Variants in BIRC6 observed in about 807,000 individuals in gnomAD.
BIRC6 encodes baculoviral IAP repeat containing 6, also known as dual E2 ubiquitin-conjugating enzyme/E3 ubiquitin-protein ligase BIRC6.
Under a neutral mutation model 503.3 loss-of-function variants are expected in BIRC6, and 98 were observed. That is an observed-to-expected ratio of 0.19 (90% confidence interval 0.17 to 0.23). The LOEUF (loss-of-function observed/expected upper bound fraction) is 0.23, where lower values mean the gene tolerates loss of function less well. Ranked by LOEUF, BIRC6 falls within the 10% of genes least tolerant of loss-of-function variation. The pLI, the probability that BIRC6 is intolerant of heterozygous loss-of-function variation, is 1.00. For synonymous variants in BIRC6, 2,240 were observed against 2,078.7 expected (o/e 1.08, Z -2.11); for missense variants, 5,360 against 5,806.0 (o/e 0.92, Z 2.50).
Position 32,509,831 on chromosome 2 carries a change from G to A in BIRC6, c.10074G>A (p.Leu3358=), listed in dbSNP as rs201254284. The change falls in exon 52 of 74, where the codon CTG becomes CTA. Residue 3358 remains leucine (L), a synonymous_variant. Transcript: ENST00000421745. Reference sequence around the variant, plus strand: ...GTGCAGCTGCACCTACTGCTAATCTGCTGCAGACTTGTGCGGCCTTATTGA... The same window carrying A: ...GTGCAGCTGCACCTACTGCTAATCTACTGCAGACTTGTGCGGCCTTATTGA... ...MASAAAPTAN[L]LQTCAALLMS... is the part of the protein sequence containing the mutation. The A allele has an allele frequency of 1.2e-6, 2 of 1,613,984 alleles. No homozygotes were observed. The highest frequency in any genetic ancestry group is 1.3e-5 in the African/African-American group (1 of 75,034).
chr2:32,507,086 T>G (rs1486121743), intron 50 of BIRC6, among the ~76,000 whole-genome samples: 4 of 152,136 alleles, frequency 2.6e-5, no homozygotes, highest in Non-Finnish European at 5.9e-5. Flanking sequence ...ACTCCTTAAA[T>G]TTCAGCAAGA....
intron 50 of BIRC6, 104 bp downstream of exon 50, chr2:32,505,309 C>G: frequency 1.1e-6 from 1 of 918,088 alleles, no homozygotes; most frequent in Non-Finnish European, 1.6e-6. Flanking sequence ...GGTGTGATTA[C>G]CAGAGAGTGT....
At position 32,529,827 on chromosome 2, in the gene BIRC6, A is replaced by T; in HGVS notation, c.12094+3A>T. ...TAAAAGACTACACCCTGAAAAAGGT[A>T]TGTGCATAATACTACTTTAAAAATT... On this transcript the variant is annotated splice_donor_region_variant and intron_variant, in intron 60 of 73. Transcript: ENST00000421745. The T allele has an allele frequency of 6.3e-7, 1 of 1,586,350 alleles. No homozygotes were observed. Among genetic ancestry groups the T allele is most frequent in the Non-Finnish European group, 8.6e-7 (1 of 1,165,304 alleles).
intron 66 of BIRC6, among the ~76,000 whole-genome samples, chr2:32,583,970 G>A (rs141415021): frequency 6.6e-6 from 1 of 152,148 alleles, no homozygotes; most frequent in African/African-American, 2.4e-5. Flanking sequence ...GACCTCAGGC[G>A]ATCTGCCCAT....
chr2:32,616,435 C>A (rs984825964), intron 73 of BIRC6, among the ~76,000 whole-genome samples: 1 of 151,826 alleles, frequency 6.6e-6, no homozygotes, highest in Non-Finnish European at 1.5e-5. Context: ...TGGTGCATGC[C>A]TGTAATAGCA....
chr2:32,471,790 T>G (rs947138423), intron 32 of BIRC6, among the ~76,000 whole-genome samples: 3 of 152,176 alleles, frequency 2.0e-5, no homozygotes, highest in African/African-American at 7.2e-5. Flanking sequence ...TAAGCCTACA[T>G]ATGCTTACAT....
In BIRC6 at chr2:32,468,434, T is replaced by C. The variant is rs1419382379; in HGVS notation, c.5781-3T>C. ...TATTTTGTTCAATCTTTTTTTACTT[T>C]AGGTATAACTTGGCTTGTCATCGTC... On this transcript the variant is annotated splice_polypyrimidine_tract_variant and splice_region_variant and intron_variant, in intron 28 of 73. Coordinates refer to ENST00000421745, the MANE Select transcript of BIRC6 (RefSeq NM_016252.4). The C allele has an allele frequency of 5.2e-6, 8 of 1,552,616 alleles. No homozygotes were observed. In the Admixed American group the frequency reaches 6.2e-5, roughly 12 times the overall value.
chr2:32,553,596 G>T (rs2058586033), intron 65 of BIRC6, among the ~76,000 whole-genome samples: 1 of 151,714 alleles, frequency 6.6e-6, no homozygotes, highest in South Asian at 2.1e-4. Flanking sequence ...CACCACGTTG[G>T]CCAGGCCGGT....
intron 66 of BIRC6, among the ~76,000 whole-genome samples, chr2:32,575,760 G>T (rs1426920797): frequency 1.3e-5 from 2 of 149,854 alleles, no homozygotes; most frequent in Non-Finnish European, 3.0e-5. Flanking sequence ...GCGAGACTCC[G>T]TCTCAAAAAA....
chr2:32,481,713 C>T (rs1389104179), intron 38 of BIRC6, among the ~76,000 whole-genome samples: 1 of 151,714 alleles, frequency 6.6e-6, no homozygotes, highest in African/African-American at 2.4e-5. Context: ...TTGGAGTGAG[C>T]CAAGATCATG....
At position 32,433,257 on chromosome 2, in the gene BIRC6, G is replaced by A. The variant is rs867361473; in HGVS notation, c.3249-387G>A. ...ATTTTCATTTTCCAGCATATATATA[G>A]CATTTAAAACCCAAGAATGAATATA... On this transcript the variant is annotated intron_variant, in intron 12 of 73. Coordinates refer to ENST00000421745, the MANE Select transcript of BIRC6 (RefSeq NM_016252.4). Among the ~76,000 whole-genome samples the A allele has an allele frequency of 7.8e-4, 119 of 152,022 alleles. 1 individual carries two copies. Among genetic ancestry groups the A allele is most frequent in the African/African-American group, 2.8e-3 (116 of 41,380 alleles).
At chr2:32,595,341 A>G (rs577372165) in intron 68 of BIRC6, among the ~76,000 whole-genome samples, 197 bp downstream of exon 68, 13 of 152,356 alleles carry the variant, frequency 8.5e-5, no homozygotes, top group Admixed American at 3.9e-4. Flanking sequence ...TGTGACTTCA[A>G]TAGAAGGACT....
At chr2:32,448,711 A>G in intron 21 of BIRC6, 84 bp from the exon 22 acceptor site, 1 of 1,311,546 alleles carries the variant, frequency 7.6e-7, no homozygotes, top group Admixed American at 1.9e-5. Flanking sequence ...GCTGTTAGTC[A>G]GACTGCTTTT....
chr2:32,493,691 T>C, intron 45 of BIRC6, 24 bp downstream of exon 45: 1 of 1,550,172 alleles, frequency 6.5e-7, no homozygotes. Context: ...TACTAATTTG[T>C]TCCTGATATA....
At chr2:32,546,969 C>G (rs2058096122) in intron 63 of BIRC6, among the ~76,000 whole-genome samples, 1 of 152,152 alleles carries the variant, frequency 6.6e-6, no homozygotes, top group Non-Finnish European at 1.5e-5. Flanking sequence ...TTCCTAGCTA[C>G]TTGGGAGGCT....
At position 32,482,490 on chromosome 2, in the gene BIRC6, C is replaced by A; in HGVS notation, c.7604C>A (p.Pro2535His). ...GATTATGGGACCTACAATTACAACC[C>A]TTACATTGGAGGTCTGGGAATTCCT... ...GADYGTYNYN[P>H]YIGGLGIPVA... The change falls in exon 39 of 74, where the codon CCT becomes CAT. Residue 2535 changes from proline to histidine, a missense_variant. By Grantham distance (77) the Pro-to-His change is moderately conservative. This residue lies in a region of BIRC6 where 2,299 missense variants were observed against 2,267.2 expected (regional missense o/e 1.01). Coordinates refer to ENST00000421745, the MANE Select transcript of BIRC6 (RefSeq NM_016252.4). 2 of 1,613,786 alleles carry A rather than the reference C, an allele frequency of 1.2e-6. No homozygotes were observed. The highest frequency in any genetic ancestry group is 1.7e-6 in the Non-Finnish European group (2 of 1,179,764).
At position 32,582,757 on chromosome 2, in the gene BIRC6, AAAAC is replaced by A. The variant is rs538719310; in HGVS notation, c.13355+7411_13355+7414del. Among the ~76,000 whole-genome samples the A allele has an allele frequency of 6.4e-3, 975 of 152,230 alleles. 7 individuals are homozygous for A. Among genetic ancestry groups the A allele is most frequent in the African/African-American group, 0.019 (802 of 41,528 alleles). ...TGGGATAGAGCAAGACTCTGTCTCA[AAAAC>A]AAACAAACAAACAAACAAAAAAACT... On this transcript the variant is annotated intron_variant, in intron 66 of 73. Coordinates refer to ENST00000421745, the MANE Select transcript of BIRC6 (RefSeq NM_016252.4).
rs2037432474 is a variant in BIRC6 at position 32,380,286 on chromosome 2, C to T, written c.641C>T (p.Ala214Val). Residue 214 changes from alanine to valine, a missense_variant, in exon 3 of 74, where the codon GCT becomes GTT. Ala to Val is a moderately conservative substitution (Grantham distance 64, BLOSUM62 0). Coordinates refer to ENST00000421745, the MANE Select transcript of BIRC6 (RefSeq NM_016252.4). ...SHETAANHKV[A>V]KWATVTFHLP... ...GAGACTGCAGCAAACCACAAAGTTG[C>T]TAAGGTAAGAAGTTAATAGATTGCC... 6.3e-7 allele frequency: 1 copy of T among 1,597,242 alleles called. No homozygotes were observed. The highest frequency in any genetic ancestry group is 8.5e-7 in the Non-Finnish European group (1 of 1,175,590).
intron 66 of BIRC6, chr2:32,591,041 G>C (rs1445494548): frequency 1.1e-6 from 1 of 904,296 alleles, no homozygotes; most frequent in African/African-American, 1.8e-5. Flanking sequence ...AACTTTTATA[G>C]AAAAGAGACT....
Sources: gnomAD v4.1 joint callset for allele counts (sites outside exome capture counted in the v4.1 genomes callset) on GRCh38, gnomAD v4.1.1 for gene constraint, gnomAD v4.1.1 regional missense constraint, MANE v1.5 for transcripts, NCBI Gene and HGNC (gene_info 2026-07-23, HGNC 2026-07-21) for gene names.